Variants in CARS1 observed in about 807,000 individuals in gnomAD.
CARS1 encodes the protein cysteine--tRNA ligase, cytoplasmic.
Under a neutral mutation model 106.2 loss-of-function variants are expected in CARS1, and 48 were observed. The ratio of observed to expected loss-of-function variants is 0.45; its 90% CI spans 0.36 to 0.57. The LOEUF (loss-of-function observed/expected upper bound fraction) is 0.57. CARS1 is among the 20% of genes least tolerant of loss of function. The probability of loss-of-function intolerance (pLI) is 0.00; values close to 1 mark genes in which losing one functional copy is unlikely to be tolerated. For synonymous variants in CARS1, 409 were observed against 403.4 expected (o/e 1.01, Z -0.17); for missense variants, 968 against 1,057.2 (o/e 0.92, Z 1.17).
At position 3,052,127 on chromosome 11, in the gene CARS1, G is replaced by A. The variant is rs555267580; in HGVS notation, c.26-4126C>T. ...TGAGAAAAACATCAAATGTCCTAAC[G>A]GCGGCTGCAGTGGCTTTTGAGCGCT... On this transcript the variant is annotated intron_variant, in intron 1 of 22. Coordinates refer to ENST00000380525, the MANE Select transcript of CARS1 (RefSeq NM_001014437.3). This position sits in a 1 kb window ranked among gnomAD's most constrained non-coding sequence, Gnocchi z 4.6. Among the ~76,000 whole-genome samples the A allele has an allele frequency of 2.0e-5, 3 of 152,332 alleles. No homozygotes were observed. Among genetic ancestry groups the A allele is most frequent in the South Asian group, 2.1e-4 (1 of 4,832 alleles).
In CARS1 at chr11:3,041,039, G is replaced by A. The variant is rs1388638110; in HGVS notation, c.367-55C>T. 1 of 1,612,720 alleles carries A rather than the reference G, an allele frequency of 6.2e-7. No homozygotes were observed. Among genetic ancestry groups the A allele is most frequent in the Non-Finnish European group, 8.5e-7 (1 of 1,179,336 alleles). On this transcript the variant is annotated intron_variant, in intron 3 of 22. Coordinates refer to ENST00000380525, the MANE Select transcript of CARS1 (RefSeq NM_001014437.3). This position sits in a 1 kb window ranked among gnomAD's most constrained non-coding sequence, Gnocchi z 4.9. ...CAAGAAATGCAAGAAACACTGCACA[G>A]GATTACCAAAAACAGCAACAAACAT... is the stretch of plus-strand genomic sequence containing the variant.
In CARS1 at chr11:3,019,260, G is replaced by C; in HGVS notation, c.1274C>G (p.Pro425Arg). 7.0e-7 allele frequency: 1 copy of C among 1,433,448 alleles called. No individual in the cohort carries two copies. Among genetic ancestry groups the C allele is most frequent in the Non-Finnish European group, 9.2e-7 (1 of 1,086,320 alleles). 88.8% of individuals were successfully genotyped at this position (1,433,448 alleles called of 1,614,324 possible). ...GGCCGAGCACTCGATATGCCAGCCC[G>C]GACGACCCTGGAGAAAGCCGAACAC... ...SWPCPWGKGR[P>R]GWHIECSAMA... The change falls in exon 12 of 23, where the codon CCG becomes CGG. Residue 425 changes from proline (P) to arginine (R), a missense_variant. Physicochemically the swap from Pro to Arg is moderately radical, Grantham distance 103 (BLOSUM62 -2). Transcript: ENST00000380525. This position sits in a 1 kb window ranked among gnomAD's most constrained non-coding sequence, Gnocchi z 6.2.
intron 18 of CARS1, among the ~76,000 whole-genome samples, chr11:3,010,502 G>A (rs1247715999): frequency 1.3e-5 from 2 of 152,246 alleles, no homozygotes; most frequent in Non-Finnish European, 2.9e-5. Context: ...GAAATGCTGA[G>A]GGCATCAGGT....
rs1057080902 is a variant in CARS1, at chr11:3,050,966, C to T, written c.26-2965G>A. On this transcript the variant is annotated intron_variant, in intron 1 of 22. Transcript: ENST00000380525. The surrounding 1 kb of genome is among the most constrained non-coding windows in gnomAD (Gnocchi z 6.3). The stretch of plus-strand genomic sequence containing the variant: ...TCGATCTTCAGCATCTACAACTGAG[C>T]GTGTGACATTCCAGATATCAGCTAA... Among the ~76,000 whole-genome samples the T allele has an allele frequency of 6.6e-6, 1 of 152,246 alleles. No individual in the cohort carries two copies. Among genetic ancestry groups the T allele is most frequent in the African/African-American group, 2.4e-5 (1 of 41,468 alleles).
At chr11:3,051,495 A>G (rs576682475) in intron 1 of CARS1, among the ~76,000 whole-genome samples, 86 of 152,334 alleles carry the variant, frequency 5.6e-4, no homozygotes, top group African/African-American at 2.1e-3. Flanking sequence ...GGCAGCTCCA[A>G]GCACCCCAAA....
rs942544523 is a variant in CARS1 at position 3,046,735 on chromosome 11, C to T, written c.274+1018G>A. Among the ~76,000 whole-genome samples the T allele has an allele frequency of 2.6e-5, 4 of 152,116 alleles. No homozygotes were observed. Among genetic ancestry groups the T allele is most frequent in the African/African-American group, 9.7e-5 (4 of 41,392 alleles). The stretch of plus-strand genomic sequence containing the variant: ...ACCAGAAAACAGCACTAAACCTGCC[C>T]CCACATGAAGGTGGAGGAGTGCCCA... On this transcript the variant is annotated intron_variant, in intron 2 of 22. Coordinates refer to ENST00000380525, the MANE Select transcript of CARS1 (RefSeq NM_001014437.3). This position sits in a 1 kb window ranked among gnomAD's most constrained non-coding sequence, Gnocchi z 5.8.
chr11:3,005,266 AGT>A (rs1262043905), intron 20 of CARS1, 98 bp downstream of exon 20: 7 of 822,466 alleles, frequency 8.5e-6, no homozygotes, highest in Non-Finnish European at 3.9e-6. Flanking sequence ...TTTTAATAAA[AGT>A]GTAAACATCA....
In CARS1 at chr11:3,047,735, A is replaced by C. The variant is rs372013505; in HGVS notation, c.274+18T>G. 9 of 1,596,016 alleles carry C rather than the reference A, an allele frequency of 5.6e-6. No homozygotes were observed. Among genetic ancestry groups the C allele is most frequent in the Middle Eastern group, 3.3e-4 (2 of 5,986 alleles). On this transcript the variant is annotated intron_variant, in intron 2 of 22. Transcript: ENST00000380525. ...GGAGAGAGGTTCTAATGGCCAGGGAACCCACTCTGTTACTCACTTGCTTGG... is the reference window on the plus strand; with the variant it reads ...GGAGAGAGGTTCTAATGGCCAGGGACCCCACTCTGTTACTCACTTGCTTGG...
chr11:3,016,964 G>A lies in CARS1; in HGVS notation c.1917+142C>T. ...AGCACACCAGGAACCAAAGAGGACA[G>A]AAGCATATCTCCACGTCTCAGAGGT... On this transcript the variant is annotated intron_variant, in intron 16 of 22. Transcript: ENST00000380525. 3.1e-6 allele frequency: 2 copies of A among 639,750 alleles called. 1 individual carries two copies. Among genetic ancestry groups the A allele is most frequent in the South Asian group, 4.5e-5 (2 of 44,760 alleles). The allele number at this position is 639,750 out of a possible 1,614,324, so 39.6% of individuals were successfully genotyped here. A position where few individuals can be genotyped will look rare whatever the true frequency, so the allele number is the denominator to read the frequency against.
Position 3,039,188 on chromosome 11 carries a change from G to A in CARS1, c.651+6C>T, listed in dbSNP as rs1854083535. On this transcript the variant is annotated splice_donor_region_variant and intron_variant, in intron 6 of 22. Coordinates refer to ENST00000380525, the MANE Select transcript of CARS1 (RefSeq NM_001014437.3). This position sits in a 1 kb window ranked among gnomAD's most constrained non-coding sequence, Gnocchi z 5.6. Reference sequence around the variant, plus strand: ...CGGTTTCTAGAGCAGACAGCAAGAGGCCCACCTTCAGGGCGGCCTGAACAT... The same window carrying A: ...CGGTTTCTAGAGCAGACAGCAAGAGACCCACCTTCAGGGCGGCCTGAACAT... 2.5e-6 allele frequency: 4 copies of A among 1,592,870 alleles called. No individual in the cohort carries two copies. The highest frequency in any genetic ancestry group is 3.4e-6 in the Non-Finnish European group (4 of 1,161,302).
rs76011753 is a variant in CARS1 at position 3,039,794 on chromosome 11, T to A, written c.552+41A>T. ...GAAAGTTCTATCTTCTTTTACACCA[T>A]CCAATTGCATTTAAAATTTAATCTT... is the stretch of plus-strand genomic sequence containing the variant. On this transcript the variant is annotated intron_variant, in intron 5 of 22. Transcript: ENST00000380525. The surrounding 1 kb of genome is among the most constrained non-coding windows in gnomAD (Gnocchi z 5.6). 919 of 1,016,142 alleles carry A rather than the reference T, an allele frequency of 9.0e-4. 21 individuals carry two copies. The East Asian group carries it at 0.023, about 25-fold the overall frequency. 62.9% of individuals were successfully genotyped at this position (1,016,142 alleles called of 1,614,324 possible). A position where few individuals can be genotyped will look rare whatever the true frequency, so the allele number is the denominator to read the frequency against.
chr11:3,013,455 A>G (rs1319333874), intron 17 of CARS1, among the ~76,000 whole-genome samples: 1 of 152,176 alleles, frequency 6.6e-6, no homozygotes, highest in Non-Finnish European at 1.5e-5. Context: ...CTGTGCTAGC[A>G]TTTCTCTTTT....
intron 2 of CARS1, among the ~76,000 whole-genome samples, chr11:3,047,304 G>A (rs1287019918): frequency 2.0e-5 from 3 of 150,388 alleles, no homozygotes; most frequent in African/African-American, 7.3e-5. Context: ...AAAGTTCAAT[G>A]CCAATTAATA....
In CARS1 at chr11:3,021,592, T is replaced by C. The variant is rs1157135258; in HGVS notation, c.1154-1260A>G. ...ACACCAAGTTCATGATTATAAAATATGTACTAAATGTAGAATATTTGAAAG... is the reference window on the plus strand; with the variant it reads ...ACACCAAGTTCATGATTATAAAATACGTACTAAATGTAGAATATTTGAAAG... On this transcript the variant is annotated intron_variant, in intron 10 of 22. Coordinates refer to ENST00000380525, the MANE Select transcript of CARS1 (RefSeq NM_001014437.3). This position sits in a 1 kb window ranked among gnomAD's most constrained non-coding sequence, Gnocchi z 5.3. 2.0e-5 allele frequency among the ~76,000 whole-genome samples: 3 copies of C among 152,218 alleles called. No individual in the cohort carries two copies. In the East Asian group the frequency reaches 5.8e-4, roughly 29 times the overall value.
chr11:3,013,578 C>A (rs1375539978), intron 17 of CARS1, among the ~76,000 whole-genome samples: 1 of 152,020 alleles, frequency 6.6e-6, no homozygotes, highest in African/African-American at 2.4e-5. Context: ...TGGCTGGGCG[C>A]GGTGACTCAC....
chr11:3,024,630 T>C (rs780159877), intron 10 of CARS1, among the ~76,000 whole-genome samples: 1 of 152,146 alleles, frequency 6.6e-6, no homozygotes, highest in Non-Finnish European at 1.5e-5. Context: ...AAATTTTTTG[T>C]AGAAAGGGGG....
Position 3,038,756 on chromosome 11 carries a change from C to T in CARS1, c.651+438G>A, listed in dbSNP as rs942873774. ...ACGATGGTTATTCAGAATGAAAATA[C>T]TAGAGAGAACTAATTTCTTCAAAAG... On this transcript the variant is annotated intron_variant, in intron 6 of 22. Coordinates refer to ENST00000380525, the MANE Select transcript of CARS1 (RefSeq NM_001014437.3). This position sits in a 1 kb window ranked among gnomAD's most constrained non-coding sequence, Gnocchi z 4.0. 1.3e-5 allele frequency among the ~76,000 whole-genome samples: 2 copies of T among 152,112 alleles called. No homozygotes were observed. The highest frequency in any genetic ancestry group is 2.9e-5 in the Non-Finnish European group (2 of 68,026).
chr11:3,029,314 C>CCATG lies in CARS1; in HGVS notation c.927_930dup (p.Glu311HisfsTer16). The CCATG allele has an allele frequency of 6.2e-7, 1 of 1,614,148 alleles. No individual in the cohort carries two copies. The highest frequency in any genetic ancestry group is 8.5e-7 in the Non-Finnish European group (1 of 1,179,980). ...ATCGTGACACTTACATTCAGAGCTT[C>CCATG]CATGTCTCTGTGGAAGTCCCCCTCC... On this transcript the variant is annotated frameshift_variant, in exon 8 of 23. Coordinates refer to ENST00000380525, the MANE Select transcript of CARS1 (RefSeq NM_001014437.3). LOFTEE classifies it high-confidence loss of function. This position sits in a 1 kb window ranked among gnomAD's most constrained non-coding sequence, Gnocchi z 5.9.
chr11:3,045,534 G>C lies in CARS1; in HGVS notation c.274+2219C>G, dbSNP rs1380169274. ...CCGCCTTGGCCTCCCAAAGTGCTGG[G>C]ATTACAGGAGTGAGCCACCGCGCCG... On this transcript the variant is annotated intron_variant, in intron 2 of 22. Coordinates refer to ENST00000380525, the MANE Select transcript of CARS1 (RefSeq NM_001014437.3). The surrounding 1 kb of genome is among the most constrained non-coding windows in gnomAD (Gnocchi z 5.6). 6.6e-6 allele frequency among the ~76,000 whole-genome samples: 1 copy of C among 152,226 alleles called. No homozygotes were observed. Among genetic ancestry groups the C allele is most frequent in the East Asian group, 1.9e-4 (1 of 5,198 alleles).
Sources: allele counts gnomAD v4.1 joint callset (sites outside exome capture counted in the v4.1 genomes callset), GRCh38; gene constraint gnomAD v4.1.1; non-coding constraint Gnocchi (gnomAD v3.1); transcripts MANE v1.5; gene names NCBI Gene and HGNC (gene_info 2026-07-23, HGNC 2026-07-21).